TRIOBP: variants seen among roughly 807,000 people sequenced by gnomAD.
The protein encoded by TRIOBP is TRIO and F-actin binding protein.
Under a neutral mutation model 238.8 loss-of-function variants are expected in TRIOBP, and 169 were observed. The observed-to-expected ratio is 0.71, with a 90% confidence interval of 0.62 to 0.80. TRIOBP has a LOEUF of 0.80. TRIOBP is among the 30% of genes least tolerant of loss of function. The probability of loss-of-function intolerance (pLI) is 0.00; values close to 1 mark genes in which losing one functional copy is unlikely to be tolerated. For synonymous variants in TRIOBP, 1,150 were observed against 1,274.4 expected (o/e 0.90, Z 2.08); for missense variants, 2,838 against 3,122.6 (o/e 0.91, Z 2.17).
chr22:37,751,705 C>A, intron 11 of TRIOBP, 67 bp from the exon 12 acceptor site: 1 of 1,571,536 alleles, frequency 6.4e-7, no homozygotes, highest in Non-Finnish European at 8.8e-7. Flanking sequence ...GTGCAGCACG[C>A]TCCCCTCACC....
At chr22:37,746,462 A>G (rs1158305061) in intron 11 of TRIOBP, 1 of 1,378,622 alleles carries the variant, frequency 7.3e-7, no homozygotes. Flanking sequence ...GGCCGGGAGA[A>G]GGGCGACGAC....
Position 37,740,844 on chromosome 22 carries a change from C to T in TRIOBP, c.5185-51C>T, listed in dbSNP as rs1478336649. ...GCAGGGGAGGCTGTAGCCAGGGGTG[C>T]CCCCATCCTGCCAAAGGGACCTGGG... On this transcript the variant is annotated intron_variant, in intron 10 of 23. Coordinates refer to ENST00000644935, the MANE Select transcript of TRIOBP (RefSeq NM_001039141.3). 3.2e-6 allele frequency: 5 copies of T among 1,552,668 alleles called. No individual in the cohort carries two copies. The Admixed American group carries it at 7.8e-5, about 24-fold the overall frequency.
intron 3 of TRIOBP, among the ~76,000 whole-genome samples, chr22:37,709,478 G>A (rs998476266): frequency 8.5e-5 from 13 of 152,292 alleles, no homozygotes; most frequent in African/African-American, 2.2e-4. Context: ...ACCACAGCCC[G>A]GAGTCGGGGC....
chr22:37,772,574 C>T (rs540846644), intron 22 of TRIOBP, 27 bp from the exon 23 acceptor site: 39 of 1,613,780 alleles, frequency 2.4e-5, no homozygotes, highest in Middle Eastern at 1.7e-4. Flanking sequence ...AGACTTCATG[C>T]CCTCATACCT....
rs751383576 is a variant in TRIOBP at position 37,769,315 on chromosome 22, C to G, written c.6789C>G (p.Ala2263=). ...TAGACCAGCTGCGCGGCTTCATTGC[C>G]TCGCAGGGCATGGGCAATGGCTGCG... ...EEIDQLRGFI[A]SQGMGNGCGR... is the part of the protein sequence containing the mutation. The change falls in exon 21 of 24, where the codon GCC becomes GCG. Residue 2263 remains alanine, a synonymous_variant. Coordinates refer to ENST00000644935, the MANE Select transcript of TRIOBP (RefSeq NM_001039141.3). 1 of 1,612,010 alleles carries G rather than the reference C, an allele frequency of 6.2e-7. No homozygotes were observed. Among genetic ancestry groups the G allele is most frequent in the Non-Finnish European group, 8.5e-7 (1 of 1,179,526 alleles).
At chr22:37,703,410 C>T (rs961589833) in intron 3 of TRIOBP, among the ~76,000 whole-genome samples, 2 of 151,976 alleles carry the variant, frequency 1.3e-5, no homozygotes, top group South Asian at 2.1e-4. Flanking sequence ...CTGATACACA[C>T]GCAATGAGAA....
At chr22:37,712,515 A>G (rs1923304370) in intron 4 of TRIOBP, among the ~76,000 whole-genome samples, 1 of 151,924 alleles carries the variant, frequency 6.6e-6, no homozygotes, top group South Asian at 2.1e-4. Flanking sequence ...TTTTATTTTT[A>G]GTAGAGACGG....
At position 37,757,390 on chromosome 22, in the gene TRIOBP, G is replaced by A. The variant is rs148559471; in HGVS notation, c.5688-223G>A. On this transcript the variant is annotated intron_variant, in intron 15 of 23. Coordinates refer to ENST00000644935, the MANE Select transcript of TRIOBP (RefSeq NM_001039141.3). ...GAAAAACAAAAACAAGAACGGGGGC[G>A]AGGGAAGCCGGGCATCCTGGTGGGT... is the stretch of plus-strand genomic sequence containing the variant. 3.9e-5 allele frequency among the ~76,000 whole-genome samples: 6 copies of A among 152,188 alleles called. No homozygotes were observed. The East Asian group carries it at 9.7e-4, about 25-fold the overall frequency.
chr22:37,772,069 G>T (rs1211571485), intron 22 of TRIOBP, among the ~76,000 whole-genome samples: 1 of 152,220 alleles, frequency 6.6e-6, no homozygotes, highest in African/African-American at 2.4e-5. Context: ...TCTCTGCTGT[G>T]GGGAGCTTGC....
rs1923410848 is a variant in TRIOBP at position 37,714,369 on chromosome 22, TTTAA to T, written c.456+961_456+964del. The stretch of plus-strand genomic sequence containing the variant: ...CCAGGCAAACAGCACATGCTTTTAA[TTTAA>T]TTGATTGATTGAAGACTGGGTGCGG... On this transcript the variant is annotated intron_variant, in intron 5 of 23. Transcript: ENST00000644935. Among the ~76,000 whole-genome samples, 9 of 152,294 alleles carry T rather than the reference TTTAA, an allele frequency of 5.9e-5. No individual in the cohort carries two copies. The South Asian group carries it at 1.9e-3, about 32-fold the overall frequency.
At chr22:37,720,328 T>C (rs1425564652) in intron 6 of TRIOBP, among the ~76,000 whole-genome samples, 3 of 152,004 alleles carry the variant, frequency 2.0e-5, no homozygotes, top group Non-Finnish European at 4.4e-5. Context: ...ACTGCTACAA[T>C]ACTATTAACT....
Position 37,723,769 on chromosome 22 carries a change from T to C in TRIOBP, c.1213T>C (p.Ser405Pro), listed in dbSNP as rs778139949. The C allele has an allele frequency of 3.1e-5, 49 of 1,596,450 alleles. No individual in the cohort carries two copies. The highest frequency in any genetic ancestry group is 4.2e-5 in the Non-Finnish European group (49 of 1,167,206). ...RTTQRENSRT[S>P]CAQRDNPKAS... ...CACTCAACGAGAGAATTCCAGAACA[T>C]CCTGTGCCCAGCGGGACAATCCCAA... is the stretch of plus-strand genomic sequence containing the variant. The change falls in exon 7 of 24, where the codon TCC becomes CCC. Residue 405 changes from serine (S) to proline (P), a missense_variant. Around this residue, in one of 5 missense-constraint regions of TRIOBP, gnomAD observed 535 missense variants for 537.3 expected, o/e 1.00. Transcript: ENST00000644935.
chr22:37,756,416 G>C (rs1925923608), intron 15 of TRIOBP, among the ~76,000 whole-genome samples: 3 of 152,194 alleles, frequency 2.0e-5, no homozygotes, highest in Admixed American at 6.5e-5. Context: ...TTCAGCCTTA[G>C]GCCAGAGGCT....
At chr22:37,770,006 G>A (rs1926686009) in intron 21 of TRIOBP, among the ~76,000 whole-genome samples, 2 of 150,398 alleles carry the variant, frequency 1.3e-5, no homozygotes, top group South Asian at 4.2e-4. Context: ...TGGGATTACA[G>A]CATGAGCCAC....
chr22:37,698,642 C>T (rs1460252517), intron 2 of TRIOBP, among the ~76,000 whole-genome samples: 2 of 151,866 alleles, frequency 1.3e-5, no homozygotes, highest in Non-Finnish European at 2.9e-5. Context: ...CGTGAGCCAC[C>T]GCACCTGGCC....
chr22:37,731,594 T>C (rs1013241640), intron 7 of TRIOBP, among the ~76,000 whole-genome samples: 12 of 152,040 alleles, frequency 7.9e-5, no homozygotes, highest in Non-Finnish European at 1.5e-4. Flanking sequence ...GTAGCTGGGA[T>C]TACAGGCACG....
Position 37,751,766 on chromosome 22 carries a change from C to T in TRIOBP, c.5323-6C>T, listed in dbSNP as rs1354686566. ...CCAACTCACCTCCCTCCTCATCTCC[C>T]CACAGCCCGATCTGCTCAACTTCAA... On this transcript the variant is annotated splice_region_variant and splice_polypyrimidine_tract_variant and intron_variant, in intron 11 of 23. Coordinates refer to ENST00000644935, the MANE Select transcript of TRIOBP (RefSeq NM_001039141.3). 1.2e-6 allele frequency: 2 copies of T among 1,614,046 alleles called. No individual in the cohort carries two copies. The highest frequency in any genetic ancestry group is 1.7e-6 in the Non-Finnish European group (2 of 1,180,008).
chr22:37,710,530 C>G lies in TRIOBP; in HGVS notation c.218C>G (p.Ser73Cys), dbSNP rs762200365. Reference protein sequence around the residue: ...PLSASTSGCQSVVDPGLRPGP... With the variant: ...PLSASTSGCQCVVDPGLRPGP... ...AGCGCCTCAACCTCCGGCTGCCAGT[C>G]TGTGGTGGACCCAGGCCTCAGGCCA... Residue 73 changes from serine (S) to cysteine (C), a missense_variant, in exon 4 of 24, where the codon TCT (serine) becomes TGT (cysteine). Ser to Cys is a moderately radical substitution (Grantham distance 112). Around this residue, in one of 5 missense-constraint regions of TRIOBP, gnomAD observed 535 missense variants for 537.3 expected, o/e 1.00. Transcript: ENST00000644935. The G allele has an allele frequency of 6.2e-7, 1 of 1,612,136 alleles. No homozygotes were observed. Among genetic ancestry groups the G allele is most frequent in the South Asian group, 1.1e-5 (1 of 90,972 alleles).
chr22:37,729,617 T>C (rs1255779519), intron 7 of TRIOBP, among the ~76,000 whole-genome samples: 1 of 152,220 alleles, frequency 6.6e-6, no homozygotes, highest in Non-Finnish European at 1.5e-5. Flanking sequence ...TCCAGGATAA[T>C]TTCAGAGAGA....
Sources: gnomAD v4.1 joint callset for allele counts (sites outside exome capture counted in the v4.1 genomes callset) on GRCh38, gnomAD v4.1.1 for gene constraint, gnomAD v4.1.1 regional missense constraint, MANE v1.5 for transcripts, NCBI Gene and HGNC (gene_info 2026-07-23, HGNC 2026-07-21) for gene names.